EIF4G3: variants seen among roughly 807,000 people sequenced by gnomAD.
EIF4G3 encodes eIF-4-gamma 3.
A neutral mutation model predicts 186.4 loss-of-function variants in EIF4G3; 34 were observed. The ratio of observed to expected loss-of-function variants is 0.18; its 90% CI spans 0.14 to 0.24. The LOEUF (loss-of-function observed/expected upper bound fraction) is 0.24. Among genes scored for constraint, EIF4G3 ranks in the 10% least tolerant of loss-of-function variants. The pLI, the probability that EIF4G3 is intolerant of heterozygous loss-of-function variation, is 1.00. For missense variants in EIF4G3, 1,536 were observed against 1,948.5 expected, an observed-to-expected ratio of 0.79 and a Z score of 3.99; for synonymous variants, 673 against 679.5, an observed-to-expected ratio of 0.99 and a Z score of 0.15.
chr1:21,044,687 A>G (rs2093779728), intron 4 of EIF4G3, among the ~76,000 whole-genome samples: 1 of 146,462 alleles, frequency 6.8e-6, no homozygotes, highest in Admixed American at 6.9e-5. Context: ...TCACTCTGCC[A>G]CCCAGGCTGG....
chr1:21,171,701 C>G (rs1434297891), intron 2 of EIF4G3, among the ~76,000 whole-genome samples: 4 of 152,156 alleles, frequency 2.6e-5, no homozygotes, highest in African/African-American at 9.7e-5. Context: ...CAATCATAAG[C>G]AATTATAATT....
intron 2 of EIF4G3, among the ~76,000 whole-genome samples, chr1:21,100,708 T>A (rs1450164919): frequency 6.6e-6 from 1 of 151,966 alleles, no homozygotes; most frequent in Admixed American, 6.6e-5. Context: ...TCCAGGCAGA[T>A]CCCATCTCTT....
At chr1:20,926,353 T>C (rs1211211173) in intron 14 of EIF4G3, among the ~76,000 whole-genome samples, 2 of 152,168 alleles carry the variant, frequency 1.3e-5, no homozygotes, top group Admixed American at 6.5e-5. Context: ...GTCTAATAAA[T>C]AGCAAGCATT....
At chr1:21,033,866 T>G (rs770011919) in intron 4 of EIF4G3, among the ~76,000 whole-genome samples, 1 of 151,926 alleles carries the variant, frequency 6.6e-6, no homozygotes, top group Non-Finnish European at 1.5e-5. Flanking sequence ...GGAGGGAGGA[T>G]AGACTAAGGT....
chr1:21,016,124 C>T (rs529222325), intron 4 of EIF4G3, among the ~76,000 whole-genome samples: 2 of 152,074 alleles, frequency 1.3e-5, no homozygotes, highest in Admixed American at 6.6e-5. Context: ...TATAAAGATG[C>T]GATTTGTGAC....
At chr1:21,129,940 G>A (rs998307717) in intron 2 of EIF4G3, among the ~76,000 whole-genome samples, 3 of 152,134 alleles carry the variant, frequency 2.0e-5, no homozygotes, top group Admixed American at 6.6e-5. Context: ...CACCAGGTCC[G>A]CATAAGGCTG....
At chr1:21,078,732 C>G (rs2095665880) in intron 3 of EIF4G3, among the ~76,000 whole-genome samples, 1 of 152,214 alleles carries the variant, frequency 6.6e-6, no homozygotes, top group Non-Finnish European at 1.5e-5. Context: ...TGCCTGTAAT[C>G]CCAACACTTT....
intron 28 of EIF4G3, among the ~76,000 whole-genome samples, chr1:20,849,742 A>C (rs2072632942): frequency 6.6e-6 from 1 of 152,190 alleles, no homozygotes; most frequent in Non-Finnish European, 1.5e-5. Flanking sequence ...AGATTTAGGA[A>C]CATGATAAAC....
chr1:20,934,382 T>C (rs1372608770), intron 14 of EIF4G3, among the ~76,000 whole-genome samples: 1 of 152,158 alleles, frequency 6.6e-6, no homozygotes, highest in African/African-American at 2.4e-5. Context: ...AGAGCGTCTC[T>C]GGCATGAGAC....
At chr1:21,109,615 T>C (rs2096681598) in intron 2 of EIF4G3, among the ~76,000 whole-genome samples, 1 of 152,234 alleles carries the variant, frequency 6.6e-6, no homozygotes, top group Admixed American at 6.5e-5. Flanking sequence ...GCCATTAATT[T>C]GTTCCAGAGT....
At chr1:21,120,464 C>T (rs1296798590) in intron 2 of EIF4G3, among the ~76,000 whole-genome samples, 5 of 151,786 alleles carry the variant, frequency 3.3e-5, no homozygotes, top group African/African-American at 1.2e-4. Context: ...CTCGTCTCTA[C>T]TAAAAATAGA....
In EIF4G3 at chr1:20,857,162, C is replaced by CAAAA. The variant is rs577290987; in HGVS notation, c.3339+237_3339+240dup. The stretch of plus-strand genomic sequence containing the variant: ...TGGGCGACAGAGTGAGACTCCATCT[C>CAAAA]AAAAAAAAAAAAAAAAAGAAAATGT... On this transcript the variant is annotated intron_variant, in intron 25 of 36. Coordinates refer to ENST00000602326, the MANE Select transcript of EIF4G3 (RefSeq NM_001391906.1). Among the ~76,000 whole-genome samples, 6 of 47,362 alleles carry CAAAA rather than the reference C, an allele frequency of 1.3e-4. 1 individual carries two copies. Among genetic ancestry groups the CAAAA allele is most frequent in the Non-Finnish European group, 1.8e-4 (5 of 27,460 alleles). 31.1% of individuals were successfully genotyped at this position (47,362 alleles called of 152,430 possible).
At chr1:20,868,608 T>G (rs1366857817) in intron 20 of EIF4G3, among the ~76,000 whole-genome samples, 1 of 152,064 alleles carries the variant, frequency 6.6e-6, no homozygotes, top group Non-Finnish European at 1.5e-5. Context: ...GCAAATATGA[T>G]CATGGATAAT....
At chr1:21,068,535 G>C (rs2095343200) in intron 3 of EIF4G3, among the ~76,000 whole-genome samples, 1 of 152,018 alleles carries the variant, frequency 6.6e-6, no homozygotes, top group Admixed American at 6.6e-5. Flanking sequence ...AAAGCATTTA[G>C]CACAGTGTCT....
intron 14 of EIF4G3, among the ~76,000 whole-genome samples, chr1:20,935,853 G>A (rs1319340166): frequency 1.3e-5 from 2 of 152,202 alleles, no homozygotes; most frequent in Non-Finnish European, 2.9e-5. Flanking sequence ...CACAGCTCTA[G>A]GCTGACTGAA....
Position 20,851,508 on chromosome 1 carries a change from G to A in EIF4G3, c.3552-30C>T, listed in dbSNP as rs138995296. ...AAAGACAAAACAACACTTTTCAAAGGAAAGACAAGCCCATGTCCCCCACAT... is the reference window on the plus strand; with the variant it reads ...AAAGACAAAACAACACTTTTCAAAGAAAAGACAAGCCCATGTCCCCCACAT... On this transcript the variant is annotated intron_variant, in intron 27 of 36. Coordinates refer to ENST00000602326, the MANE Select transcript of EIF4G3 (RefSeq NM_001391906.1). 1.9e-3 allele frequency: 3,068 copies of A among 1,606,296 alleles called. 19 individuals carry two copies. Among genetic ancestry groups the A allele is most frequent in the East Asian group, 0.018 (796 of 44,828 alleles).
intron 30 of EIF4G3, among the ~76,000 whole-genome samples, chr1:20,837,148 T>C (rs188879138): frequency 6.6e-6 from 1 of 152,332 alleles, no homozygotes; most frequent in African/African-American, 2.4e-5. Flanking sequence ...TCTAAAGAGC[T>C]ATAGGGAGAA....
chr1:20,901,552 G>A (rs991695584), intron 15 of EIF4G3, among the ~76,000 whole-genome samples: 2 of 151,960 alleles, frequency 1.3e-5, no homozygotes, highest in Admixed American at 6.6e-5. Flanking sequence ...ATCAACAACA[G>A]TCTATCATAT....
intron 18 of EIF4G3, among the ~76,000 whole-genome samples, chr1:20,886,697 T>G (rs575879799): frequency 1.6e-4 from 25 of 152,316 alleles, no homozygotes; most frequent in African/African-American, 6.0e-4. Context: ...GTCACTTCAA[T>G]AATTACAAAA....
Sources: allele counts gnomAD v4.1 joint callset (sites outside exome capture counted in the v4.1 genomes callset), GRCh38; gene constraint gnomAD v4.1.1; transcripts MANE v1.5; gene names NCBI Gene and HGNC (gene_info 2026-07-23, HGNC 2026-07-21).